Variants in OSBPL2 observed in about 807,000 individuals in gnomAD.
OSBPL2 encodes the protein oxysterol binding protein like 2.
A neutral mutation model predicts 58.4 loss-of-function variants in OSBPL2; 18 were observed. The observed-to-expected ratio is 0.31, with a 90% CI of 0.21 to 0.46. The LOEUF (loss-of-function observed/expected upper bound fraction) is 0.46, where lower values mean the gene tolerates loss of function less well. Ranked by LOEUF, OSBPL2 falls within the 20% of genes least tolerant of loss-of-function variation. The pLI is 1.00. For missense variants in OSBPL2, 461 were observed against 616.5 expected, an observed-to-expected ratio of 0.75 and a Z score of 2.67; for synonymous variants, 221 against 234.1, an observed-to-expected ratio of 0.94 and a Z score of 0.51.
intron 13 of OSBPL2, among the ~76,000 whole-genome samples, chr20:62,293,171 G>GT (rs1983638945): frequency 7.8e-6 from 1 of 128,496 alleles, no homozygotes; most frequent in Admixed American, 8.7e-5. Flanking sequence ...CCTGTTCATT[G>GT]TTTTTTTAAA....
chr20:62,243,284 C>T (rs1427541218), intron 1 of OSBPL2, among the ~76,000 whole-genome samples: 2 of 152,158 alleles, frequency 1.3e-5, no homozygotes, highest in Non-Finnish European at 2.9e-5. Context: ...CTGGGAGTCT[C>T]GCTGTAATCA....
At chr20:62,274,358 T>A (rs923552148) in intron 6 of OSBPL2, among the ~76,000 whole-genome samples, 5 of 152,038 alleles carry the variant, frequency 3.3e-5, no homozygotes, top group African/African-American at 1.2e-4. Context: ...GAGCTGTGGA[T>A]GAGAGGGATG....
chr20:62,258,597 G>A (rs1370528829), intron 2 of OSBPL2, among the ~76,000 whole-genome samples: 2 of 152,224 alleles, frequency 1.3e-5, no homozygotes, highest in Admixed American at 6.5e-5. Context: ...ATAAATGCAT[G>A]TGGTGTCTTA....
At chr20:62,251,979 T>C (rs1465624757) in intron 1 of OSBPL2, among the ~76,000 whole-genome samples, 1 of 140,024 alleles carries the variant, frequency 7.1e-6, no homozygotes, top group Non-Finnish European at 1.5e-5. Context: ...TGTCCCAGGC[T>C]CGAGTGATCC....
chr20:62,279,077 G>T, intron 6 of OSBPL2, 80 bp from the exon 7 acceptor site: 1 of 1,235,364 alleles, frequency 8.1e-7, no homozygotes, highest in South Asian at 1.4e-5. Flanking sequence ...TCCTGTGAGG[G>T]GCTCCACATG....
In OSBPL2 at chr20:62,269,181, C is replaced by T. The variant is rs1420230351; in HGVS notation, c.259-2944C>T. Among the ~76,000 whole-genome samples the T allele has an allele frequency of 3.9e-5, 6 of 152,326 alleles. No individual in the cohort carries two copies. Among genetic ancestry groups the T allele is most frequent in the Non-Finnish European group, 8.8e-5 (6 of 68,028 alleles). The stretch of plus-strand genomic sequence containing the variant: ...CCCTGCAAAGTGTTGGAATTACAGG[C>T]GTGAGCCATCTCGCCTGGCCGACTT... On this transcript the variant is annotated intron_variant, in intron 4 of 13. Transcript: ENST00000313733. The surrounding 1 kb of genome is among the most constrained non-coding windows in gnomAD (Gnocchi z 4.2).
intron 6 of OSBPL2, among the ~76,000 whole-genome samples, chr20:62,274,477 T>C (rs748081674): frequency 1.3e-5 from 2 of 152,172 alleles, no homozygotes; most frequent in Non-Finnish European, 2.9e-5. Context: ...CATGGGCAGA[T>C]GTGTAGGGAG....
chr20:62,278,135 G>A, intron 6 of OSBPL2: 1 of 160,870 alleles, frequency 6.2e-6, no homozygotes, highest in South Asian at 1.4e-4. Context: ...GGCCTCTCCT[G>A]CACCATTGCG....
rs570581719 is a variant in OSBPL2, at chr20:62,287,984, C to T, written c.1126-1223C>T. ...CTCACACCTGAGAGCCAGGTGGTGC[C>T]TTGGGTGCCAGGGAGGGCATCTGAG... On this transcript the variant is annotated intron_variant, in intron 11 of 13. Coordinates refer to ENST00000313733, the MANE Select transcript of OSBPL2 (RefSeq NM_144498.4). 5.3e-5 allele frequency among the ~76,000 whole-genome samples: 8 copies of T among 152,094 alleles called. No individual in the cohort carries two copies. In the East Asian group the frequency reaches 1.2e-3, roughly 22 times the overall value.
At chr20:62,267,859 T>C (rs1384292761) in intron 4 of OSBPL2, among the ~76,000 whole-genome samples, 1 of 150,930 alleles carries the variant, frequency 6.6e-6, no homozygotes, top group Non-Finnish European at 1.5e-5. Flanking sequence ...GTCTTCAGGG[T>C]ATATCTCAAA....
intron 10 of OSBPL2, chr20:62,285,836 T>G (rs938740921): frequency 6.6e-6 from 1 of 151,826 alleles, no homozygotes; most frequent in Non-Finnish European, 1.5e-5. Flanking sequence ...GCCACTGACT[T>G]CCTTCGTCTC....
rs900402180 is a variant in OSBPL2, at chr20:62,296,002, G to A, written c.*2115G>A. The A allele has an allele frequency of 5.9e-5, 9 of 152,364 alleles. No individual in the cohort carries two copies. The highest frequency in any genetic ancestry group is 2.9e-5 in the Non-Finnish European group (2 of 68,032). The allele number at this position is 152,364 out of a possible 1,614,324, so 9.4% of individuals were successfully genotyped here. ...CTTGAGGACAGACACCAAACCAGAG[G>A]TGGAGGAAGAACGGTAGGAAGGCTG... On this transcript the variant is annotated 3_prime_UTR_variant, in exon 14 of 14. Coordinates refer to ENST00000313733, the MANE Select transcript of OSBPL2 (RefSeq NM_144498.4).
chr20:62,290,611 A>G (rs920052904), intron 12 of OSBPL2, among the ~76,000 whole-genome samples: 4 of 150,364 alleles, frequency 2.7e-5, no homozygotes, highest in East Asian at 3.9e-4. Flanking sequence ...TAGTAGAGAC[A>G]GGGTTTCACC....
intron 12 of OSBPL2, chr20:62,291,293 G>A (rs1983493804): frequency 3.3e-6 from 1 of 299,408 alleles, no homozygotes; most frequent in Admixed American, 4.7e-5. Flanking sequence ...TACCCGGGAA[G>A]GTCAAGGCTA....
rs1465945446 is a variant in OSBPL2 at position 62,278,522 on chromosome 20, AACGTTAGGCCGAGTGCGATGTCATGTTTG to A, written c.492-634_492-606del. 761 of 80,846 alleles carry A rather than the reference AACGTTAGGCCGAGTGCGATGTCATGTTTG, an allele frequency of 9.4e-3. 11 individuals carry two copies. The highest frequency in any genetic ancestry group is 0.026 in the Middle Eastern group (2 of 78). 5.0% of individuals were successfully genotyped at this position (80,846 alleles called of 1,614,324 possible). A position where few individuals can be genotyped will look rare whatever the true frequency, so the allele number is the denominator to read the frequency against. ...ATGTCATGTTTATGTGTGTGTTGCC[AACGTTAGGCCGAGTGCGATGTCATGTTTG>A]TGTGTGTGTCTGTTGCCAACGTTAG... is the stretch of plus-strand genomic sequence containing the variant. On this transcript the variant is annotated intron_variant, in intron 6 of 13. Coordinates refer to ENST00000313733, the MANE Select transcript of OSBPL2 (RefSeq NM_144498.4).
At chr20:62,251,882 T>TTTTTC (rs1980574737) in intron 1 of OSBPL2, among the ~76,000 whole-genome samples, 2 of 123,016 alleles carry the variant, frequency 1.6e-5, no homozygotes, top group Non-Finnish European at 3.4e-5. Flanking sequence ...TTTTTTTTTT[T>TTTTTC]TTTTTTTTTT....
chr20:62,254,581 AGCAGCT>A, intron 1 of OSBPL2, among the ~76,000 whole-genome samples: 1 of 152,366 alleles, frequency 6.6e-6, no homozygotes. Context: ...TCTGGAGGGA[AGCAGCT>A]GCTGCTGCCC....
intron 10 of OSBPL2, chr20:62,285,098 T>G (rs1038416165): frequency 7.2e-5 from 11 of 152,232 alleles, no homozygotes; most frequent in African/African-American, 2.7e-4. Context: ...AAACCTGAAA[T>G]GTTCAATATT....
chr20:62,244,758 C>T (rs1202789658), intron 1 of OSBPL2, among the ~76,000 whole-genome samples: 1 of 152,230 alleles, frequency 6.6e-6, no homozygotes, highest in South Asian at 2.1e-4. Flanking sequence ...GCTTCCGGGA[C>T]GTCGGGCCAC....
Sources: gnomAD v4.1 joint callset for allele counts (sites outside exome capture counted in the v4.1 genomes callset) on GRCh38, gnomAD v4.1.1 for gene constraint, Gnocchi (gnomAD v3.1) non-coding constraint, MANE v1.5 for transcripts, NCBI Gene and HGNC (gene_info 2026-07-23, HGNC 2026-07-21) for gene names.